The following HEMK2 variants were observed in gnomAD, a reference collection of about 807,000 sequenced individuals.
HEMK2 encodes the protein methyltransferase HEMK2.
chr21:28,849,730 A>G, the HEMK2 span, among the ~76,000 whole-genome samples: 5 of 152,220 alleles, frequency 3.3e-5, no homozygotes, highest in Admixed American at 2.6e-4. Flanking sequence ...ATAATACAAT[A>G]GTAAGTACTG....
At chr21:28,658,741 C>G in the HEMK2 span, among the ~76,000 whole-genome samples, 1 of 152,120 alleles carries the variant, frequency 6.6e-6, no homozygotes, top group African/African-American at 2.4e-5. Flanking sequence ...AAGCTCATGA[C>G]TGACAAAAAA....
chr21:28,633,815 T>C, the HEMK2 span, among the ~76,000 whole-genome samples: 1 of 152,182 alleles, frequency 6.6e-6, no homozygotes, highest in Non-Finnish European at 1.5e-5. Flanking sequence ...CTGTACACTA[T>C]GCTCAGGGTA....
chr21:28,613,882 C>T, the HEMK2 span, among the ~76,000 whole-genome samples: 2 of 152,110 alleles, frequency 1.3e-5, no homozygotes, highest in Admixed American at 6.6e-5. Flanking sequence ...ACTTACATTT[C>T]CATTGTAAAG....
the HEMK2 span, among the ~76,000 whole-genome samples, chr21:28,770,384 C>T: frequency 6.6e-6 from 1 of 152,130 alleles, no homozygotes; most frequent in Non-Finnish European, 1.5e-5. Context: ...CCTTACCATT[C>T]AATTCAACTT....
chr21:28,831,263 G>A, the HEMK2 span, among the ~76,000 whole-genome samples: 1 of 151,526 alleles, frequency 6.6e-6, no homozygotes, highest in Non-Finnish European at 1.5e-5. Context: ...TGGCCAAGAT[G>A]GCGAAACCCC....
the HEMK2 span, among the ~76,000 whole-genome samples, chr21:28,794,790 C>T: frequency 6.6e-5 from 10 of 152,174 alleles, no homozygotes; most frequent in Non-Finnish European, 1.3e-4. Context: ...TCTGACTCTG[C>T]GAAGGCTGTT....
At chr21:28,694,365 A>C in the HEMK2 span, among the ~76,000 whole-genome samples, 327 of 152,336 alleles carry the variant, frequency 2.1e-3, 2 homozygotes, top group African/African-American at 7.4e-3. Context: ...GAATGCTCTA[A>C]GTACTATGAG....
At chr21:28,817,355 G>A in the HEMK2 span, among the ~76,000 whole-genome samples, 1 of 151,794 alleles carries the variant, frequency 6.6e-6, no homozygotes, top group African/African-American at 2.4e-5. Context: ...ATAATGAAGA[G>A]GAAGATATAG....
At chr21:28,798,210 G>C in the HEMK2 span, among the ~76,000 whole-genome samples, 1 of 152,184 alleles carries the variant, frequency 6.6e-6, no homozygotes, top group East Asian at 1.9e-4. Context: ...CTTGGGGTTT[G>C]AGGAGGGTGT....
At chr21:28,607,849 C>T in the HEMK2 span, among the ~76,000 whole-genome samples, 1 of 152,130 alleles carries the variant, frequency 6.6e-6, no homozygotes, top group African/African-American at 2.4e-5. Flanking sequence ...ATATTGCAAA[C>T]ATTGAAAATT....
the HEMK2 span, among the ~76,000 whole-genome samples, chr21:28,814,563 G>A: frequency 6.6e-6 from 1 of 150,396 alleles, no homozygotes; most frequent in African/African-American, 2.4e-5. Context: ...ATCAAAAAGT[G>A]GGCGAAGGAT....
At chr21:28,717,682 G>A in the HEMK2 span, among the ~76,000 whole-genome samples, 1 of 151,968 alleles carries the variant, frequency 6.6e-6, no homozygotes, top group African/African-American at 2.4e-5. Flanking sequence ...GTTTCACCTT[G>A]TTGGCCAGGC....
the HEMK2 span, among the ~76,000 whole-genome samples, chr21:28,617,230 AG>A: frequency 6.6e-6 from 1 of 152,220 alleles, no homozygotes; most frequent in Non-Finnish European, 1.5e-5. Flanking sequence ...GCCAATGCCA[AG>A]GCCCTAAGAT....
chr21:28,828,430 A>C, the HEMK2 span, among the ~76,000 whole-genome samples: 2 of 152,330 alleles, frequency 1.3e-5, no homozygotes, highest in East Asian at 1.9e-4. Flanking sequence ...GAAGTAGAGA[A>C]TGTAGGTAAC....
chr21:28,615,306 C>T, the HEMK2 span, among the ~76,000 whole-genome samples: 4 of 151,736 alleles, frequency 2.6e-5, no homozygotes, highest in African/African-American at 7.3e-5. Flanking sequence ...CTCTCTTTCC[C>T]ATTTCCTTTC....
chr21:28,679,492 G>C, the HEMK2 span, among the ~76,000 whole-genome samples: 1 of 152,044 alleles, frequency 6.6e-6, no homozygotes. Flanking sequence ...ACAGATCAAC[G>C]AGACAGACAG....
the HEMK2 span, among the ~76,000 whole-genome samples, chr21:28,813,472 G>A: frequency 6.6e-6 from 1 of 152,130 alleles, no homozygotes; most frequent in South Asian, 2.1e-4. Flanking sequence ...CGGATAGGAA[G>A]AATCAATATC....
At chr21:28,826,164 A>T in the HEMK2 span, among the ~76,000 whole-genome samples, 1 of 152,192 alleles carries the variant, frequency 6.6e-6, no homozygotes, top group African/African-American at 2.4e-5. Context: ...AACCATCCAG[A>T]CACCCCGTAG....
the HEMK2 span, among the ~76,000 whole-genome samples, chr21:28,877,491 A>G: frequency 2.0e-5 from 3 of 151,334 alleles, no homozygotes; most frequent in African/African-American, 7.3e-5. Context: ...AAAGAGAAAG[A>G]AAAAGAGACA....
Sources: allele counts gnomAD v4.1 joint callset (sites outside exome capture counted in the v4.1 genomes callset), GRCh38; gene constraint gnomAD v4.1.1; transcripts MANE v1.5; gene names NCBI Gene and HGNC (gene_info 2026-07-23, HGNC 2026-07-21).